PCNX2: variants seen among roughly 807,000 people sequenced by gnomAD.
PCNX2 encodes the protein pecanex-like protein 2.
In PCNX2, 168 loss-of-function variants were observed where a neutral mutation model predicts 223.8. That is an observed-to-expected ratio of 0.75 (90% confidence interval 0.66 to 0.85). The LOEUF (loss-of-function observed/expected upper bound fraction) is 0.85. Among genes scored for constraint, PCNX2 ranks in the 40% least tolerant of loss-of-function variants. The probability of loss-of-function intolerance (pLI) is 0.00; values close to 1 mark genes in which losing one functional copy is unlikely to be tolerated. For synonymous variants in PCNX2, 1,006 were observed against 1,052.6 expected (o/e 0.96, Z 0.86); for missense variants, 2,507 against 2,675.5 (o/e 0.94, Z 1.39).
chr1:233,254,699 G>T (rs896698586), intron 5 of PCNX2, among the ~76,000 whole-genome samples: 1 of 148,030 alleles, frequency 6.8e-6, no homozygotes, highest in South Asian at 2.1e-4. Context: ...CTAGATATAC[G>T]CACTTTTTTT....
At position 232,986,292 on chromosome 1, in the gene PCNX2, C is replaced by T. The variant is rs554738865; in HGVS notation, c.6040G>A (p.Glu2014Lys). ...CCCAGGCTGGACCTGATGAGCGCCT[C>T]GGCCCGCTCACGGACACTCAGGTGG... ...TGHLSVRERA[E>K]ALIRSSLGSS... Residue 2014 changes from glutamate (E) to lysine (K), a missense_variant, in exon 33 of 34, where the codon GAG becomes AAG. Coordinates refer to ENST00000258229, the MANE Select transcript of PCNX2 (RefSeq NM_014801.4). 7.0e-6 allele frequency: 11 copies of T among 1,567,442 alleles called. No homozygotes were observed. Among genetic ancestry groups the T allele is most frequent in the South Asian group, 3.5e-5 (3 of 85,212 alleles).
Position 233,001,723 on chromosome 1 carries a change from T to A in PCNX2, c.4953-42A>T, listed in dbSNP as rs1184019284. 2 of 1,475,954 alleles carry A rather than the reference T, an allele frequency of 1.4e-6. No homozygotes were observed. The highest frequency in any genetic ancestry group is 2.4e-5 in the East Asian group (1 of 41,594). The allele number at this position is 1,475,954 out of a possible 1,614,324, so 91.4% of individuals were successfully genotyped here. On this transcript the variant is annotated intron_variant, in intron 28 of 33. Coordinates refer to ENST00000258229, the MANE Select transcript of PCNX2 (RefSeq NM_014801.4). The surrounding 1 kb of genome is among the most constrained non-coding windows in gnomAD (Gnocchi z 4.2). ...TATTACTATGGAACAAATTTCAGAA[T>A]CCTGTCATTGTGAGCAAAGTTTGAG...
At chr1:233,019,269 C>G (rs1670792334) in intron 26 of PCNX2, 1 of 909,592 alleles carries the variant, frequency 1.1e-6, no homozygotes, top group Non-Finnish European at 1.3e-6. Context: ...TTACGCTCCA[C>G]AGTCTACCTG....
chr1:233,009,720 G>A lies in PCNX2; in HGVS notation c.4952+4945C>T, dbSNP rs186434715. Among the ~76,000 whole-genome samples the A allele has an allele frequency of 5.9e-5, 9 of 152,252 alleles. No homozygotes were observed. In the East Asian group the frequency reaches 1.7e-3, roughly 29 times the overall value. ...CAAGATCTAGAGAGTCCATGTCACT[G>A]GTTTGCGATGGAGCTTGGGGTCTGT... On this transcript the variant is annotated intron_variant, in intron 28 of 33. Transcript: ENST00000258229.
At position 233,252,772 on chromosome 1, in the gene PCNX2, T is replaced by A; in HGVS notation, c.1851A>T (p.Glu617Asp). 1 of 1,611,050 alleles carries A rather than the reference T, an allele frequency of 6.2e-7. No individual in the cohort carries two copies. The highest frequency in any genetic ancestry group is 8.5e-7 in the Non-Finnish European group (1 of 1,179,356). ...SGLLRDNCSQ[E>D]KKEEILENEK... Reference sequence around the variant, plus strand: ...CATTTTCCAGGATTTCCTCCTTTTTTTCCTGGGAACAGTTATCTGAAAAAC... The same window carrying A: ...CATTTTCCAGGATTTCCTCCTTTTTATCCTGGGAACAGTTATCTGAAAAAC... The change falls in exon 6 of 34, where the codon GAA becomes GAT. Residue 617 changes from glutamate (E) to aspartate (D), a missense_variant. Coordinates refer to ENST00000258229, the MANE Select transcript of PCNX2 (RefSeq NM_014801.4).
At chr1:233,142,274 T>TA (rs982707376) in intron 19 of PCNX2, among the ~76,000 whole-genome samples, 8 of 151,614 alleles carry the variant, frequency 5.3e-5, no homozygotes, top group South Asian at 2.1e-4. Context: ...AGTAGAGTAG[T>TA]AAAAAAAAAT....
chr1:233,025,122 G>A (rs528440804), intron 26 of PCNX2, 24 bp downstream of exon 26: 1 of 1,612,436 alleles, frequency 6.2e-7, no homozygotes, highest in Non-Finnish European at 8.5e-7. Flanking sequence ...TTCTGCCTTA[G>A]GTGTTTGGGA....
chr1:233,124,344 T>A (rs1675980559), intron 21 of PCNX2, among the ~76,000 whole-genome samples: 1 of 152,220 alleles, frequency 6.6e-6, no homozygotes, highest in South Asian at 2.1e-4. Flanking sequence ...ATGACCTTAC[T>A]GACAATTCCA....
At chr1:233,112,171 T>C (rs1483382551) in intron 21 of PCNX2, among the ~76,000 whole-genome samples, 2 of 152,256 alleles carry the variant, frequency 1.3e-5, no homozygotes, top group East Asian at 3.8e-4. Context: ...TGGGAAAATC[T>C]GTGACCTTGA....
chr1:233,266,756 TA>T (rs1302180376), intron 1 of PCNX2, among the ~76,000 whole-genome samples: 4 of 152,240 alleles, frequency 2.6e-5, no homozygotes, highest in Non-Finnish European at 5.9e-5. Context: ...TAACACATTC[TA>T]GTTAACAATG....
chr1:233,045,496 A>T (rs1671792486), intron 25 of PCNX2, among the ~76,000 whole-genome samples: 1 of 152,168 alleles, frequency 6.6e-6, no homozygotes, highest in Non-Finnish European at 1.5e-5. Context: ...TCAGCCACTG[A>T]AATTTGGGGC....
rs892121349 is a variant in PCNX2 at position 233,132,892 on chromosome 1, CTTTTTTTTTT to C, written c.3837+2111_3837+2120del. The stretch of plus-strand genomic sequence containing the variant: ...TGAACTCCTCTGGCACATTTTACAT[CTTTTTTTTTT>C]TTTTTTTTTTTTTGAGACAGGGTTT... On this transcript the variant is annotated intron_variant, in intron 21 of 33. Coordinates refer to ENST00000258229, the MANE Select transcript of PCNX2 (RefSeq NM_014801.4). Among the ~76,000 whole-genome samples the C allele has an allele frequency of 2.6e-3, 293 of 114,884 alleles. 1 individual carries two copies. The highest frequency in any genetic ancestry group is 0.011 in the Middle Eastern group (2 of 184). 75.4% of individuals were successfully genotyped at this position (114,884 alleles called of 152,430 possible).
At chr1:233,175,019 C>T (rs949216687) in intron 17 of PCNX2, among the ~76,000 whole-genome samples, 1 of 152,074 alleles carries the variant, frequency 6.6e-6, no homozygotes, top group Non-Finnish European at 1.5e-5. Flanking sequence ...CCAGATGAAT[C>T]AGAATATGGG....
At chr1:233,038,802 G>A (rs1252760812) in intron 25 of PCNX2, among the ~76,000 whole-genome samples, 1 of 152,224 alleles carries the variant, frequency 6.6e-6, no homozygotes, top group African/African-American at 2.4e-5. Context: ...CTTTAGATAA[G>A]ATTCAGTTAC....
the PCNX2 span, among the ~76,000 whole-genome samples, chr1:233,322,662 G>A: frequency 5.9e-5 from 9 of 152,172 alleles, no homozygotes; most frequent in Non-Finnish European, 1.2e-4. Flanking sequence ...AACGTGATGA[G>A]ATTTGTTTTG....
chr1:233,075,966 T>C (rs868540429), intron 23 of PCNX2, among the ~76,000 whole-genome samples: 42 of 152,344 alleles, frequency 2.8e-4, no homozygotes, highest in African/African-American at 9.6e-4. Context: ...TGAAAAGTGT[T>C]TCTTCTCTTT....
chr1:233,203,498 A>G (rs904688176), intron 13 of PCNX2, among the ~76,000 whole-genome samples: 3 of 152,214 alleles, frequency 2.0e-5, no homozygotes, highest in Admixed American at 6.5e-5. Flanking sequence ...GAGGGATCAT[A>G]AAAGAAAAAG....
chr1:233,135,695 G>C (rs975252967), intron 20 of PCNX2, among the ~76,000 whole-genome samples: 1 of 152,180 alleles, frequency 6.6e-6, no homozygotes. Flanking sequence ...ATAACAGGTA[G>C]GAAATTCTGA....
At chr1:233,130,181 G>A (rs942166826) in intron 21 of PCNX2, among the ~76,000 whole-genome samples, 1 of 151,974 alleles carries the variant, frequency 6.6e-6, no homozygotes, top group African/African-American at 2.4e-5. Flanking sequence ...TCCGAACATC[G>A]GAAGGAACAA....
Sources: allele counts gnomAD v4.1 joint callset (sites outside exome capture counted in the v4.1 genomes callset), GRCh38; gene constraint gnomAD v4.1.1; non-coding constraint Gnocchi (gnomAD v3.1); transcripts MANE v1.5; gene names NCBI Gene and HGNC (gene_info 2026-07-23, HGNC 2026-07-21).